AGPAT3: variants seen among roughly 807,000 people sequenced by gnomAD.
AGPAT3 encodes the protein 1-acyl-sn-glycerol-3-phosphate acyltransferase gamma.
Under a neutral mutation model 47.3 loss-of-function variants are expected in AGPAT3, and 5 were observed. That is an observed-to-expected ratio of 0.11 (90% CI 0.06 to 0.22). The LOEUF (loss-of-function observed/expected upper bound fraction) is 0.22. Ranked by LOEUF, AGPAT3 falls within the 10% of genes least tolerant of loss-of-function variation. AGPAT3 has a pLI of 1.00. For missense variants in AGPAT3, 315 were observed against 493.0 expected, an observed-to-expected ratio of 0.64 and a Z score of 3.42; for synonymous variants, 212 against 208.3, an observed-to-expected ratio of 1.02 and a Z score of -0.15.
intron 2 of AGPAT3, among the ~76,000 whole-genome samples, chr21:43,909,176 C>A (rs557564119): frequency 1.3e-5 from 2 of 152,360 alleles, no homozygotes; most frequent in African/African-American, 4.8e-5. Flanking sequence ...CCCATTGGGC[C>A]GATCCTCTGA....
intron 2 of AGPAT3, among the ~76,000 whole-genome samples, chr21:43,956,976 C>A (rs900315519): frequency 6.6e-6 from 1 of 152,106 alleles, no homozygotes; most frequent in Non-Finnish European, 1.5e-5. Flanking sequence ...ACCCCTCCAC[C>A]TTTCGAGGGG....
In AGPAT3 at chr21:43,955,068, G is replaced by A. The variant is rs2088377778; in HGVS notation, c.-48-4566G>A. The A allele has an allele frequency of 8.9e-6, 11 of 1,242,898 alleles. 1 individual carries two copies. The South Asian group carries it at 1.4e-4, about 16-fold the overall frequency. 77.0% of individuals were successfully genotyped at this position (1,242,898 alleles called of 1,614,324 possible). On this transcript the variant is annotated intron_variant, in intron 2 of 9. Transcript: ENST00000291572. The surrounding 1 kb of genome is among the most constrained non-coding windows in gnomAD (Gnocchi z 4.1). ...CTCTATCTGTGGCCCCCAAAGGCTG[G>A]GTGCCAGCTGCCTGTCGGCAGGGAG...
At chr21:43,901,320 T>TAAAAAAAAAAAAA (rs34649071) in intron 1 of AGPAT3, among the ~76,000 whole-genome samples, 1 of 129,042 alleles carries the variant, frequency 7.7e-6, no homozygotes. Flanking sequence ...GAAACTCTGT[T>TAAAAAAAAAAAAA]AAAAAAAAAA....
At chr21:43,975,207 T>G (rs535764850) in intron 7 of AGPAT3, among the ~76,000 whole-genome samples, 38 of 149,666 alleles carry the variant, frequency 2.5e-4, no homozygotes, top group Non-Finnish European at 4.2e-4. Context: ...TGTGGTGTGT[T>G]CTGGTGTGTG....
At chr21:43,938,117 GACACACACAC>G (rs60019728) in intron 2 of AGPAT3, among the ~76,000 whole-genome samples, 36 of 147,480 alleles carry the variant, frequency 2.4e-4, no homozygotes, top group African/African-American at 7.0e-4. Context: ...CACACACACA[GACACACACAC>G]ACACACACAC....
intron 2 of AGPAT3, among the ~76,000 whole-genome samples, chr21:43,915,406 T>A (rs1054128596): frequency 7.2e-5 from 4 of 55,240 alleles, no homozygotes; most frequent in Non-Finnish European, 1.5e-4. Context: ...CTTGATTAGC[T>A]TTTTTTTTTT....
intron 1 of AGPAT3, among the ~76,000 whole-genome samples, chr21:43,888,813 A>G (rs572776619): frequency 6.6e-6 from 1 of 152,254 alleles, no homozygotes; most frequent in Non-Finnish European, 1.5e-5. Flanking sequence ...ACATGGTGAA[A>G]CCCCATCTCT....
In AGPAT3 at chr21:43,873,013, A is replaced by G. The variant is rs543306334; in HGVS notation, c.-112+7668A>G. Among the ~76,000 whole-genome samples the G allele has an allele frequency of 4.7e-4, 72 of 152,332 alleles. 1 individual carries two copies. Among genetic ancestry groups the G allele is most frequent in the South Asian group, 2.1e-3 (10 of 4,824 alleles). ...TCCCCCTGCCGGGACGGCGAAACTT[A>G]AAAGACTGTGGGGACAAGTGCTGGA... is the stretch of plus-strand genomic sequence containing the variant. On this transcript the variant is annotated intron_variant, in intron 1 of 9. Coordinates refer to ENST00000291572, the MANE Select transcript of AGPAT3 (RefSeq NM_020132.5).
intron 1 of AGPAT3, among the ~76,000 whole-genome samples, chr21:43,897,789 C>T (rs888492009): frequency 6.6e-6 from 1 of 152,236 alleles, no homozygotes; most frequent in Admixed American, 6.5e-5. Context: ...CCAAGGCAGG[C>T]GGCTAGGAGG....
chr21:43,978,896 T>C (rs2089726036), intron 8 of AGPAT3, among the ~76,000 whole-genome samples: 1 of 152,186 alleles, frequency 6.6e-6, no homozygotes, highest in African/African-American at 2.4e-5. Flanking sequence ...CACAAATGCA[T>C]GGGGCATTCG....
chr21:43,977,604 G>A (rs760080306), intron 7 of AGPAT3, among the ~76,000 whole-genome samples: 2 of 152,228 alleles, frequency 1.3e-5, no homozygotes, highest in African/African-American at 2.4e-5. Flanking sequence ...GAGGCTGGGC[G>A]CAGTGGCTCA....
In AGPAT3 at chr21:43,878,113, C is replaced by A. The variant is rs75614369; in HGVS notation, c.-112+12768C>A. On this transcript the variant is annotated intron_variant, in intron 1 of 9. Coordinates refer to ENST00000291572, the MANE Select transcript of AGPAT3 (RefSeq NM_020132.5). ...TCCCCGCCACTGCTTGCTCAGCCCC[C>A]ACCCGTGATGACGCCTGCTGATGTC... 5.2e-3 allele frequency among the ~76,000 whole-genome samples: 789 copies of A among 152,266 alleles called. 5 individuals carry two copies. The highest frequency in any genetic ancestry group is 0.018 in the African/African-American group (736 of 41,538).
At chr21:43,923,322 G>A (rs1029368066) in intron 2 of AGPAT3, among the ~76,000 whole-genome samples, 2 of 152,228 alleles carry the variant, frequency 1.3e-5, no homozygotes, top group Admixed American at 6.5e-5. Context: ...CTGCGCTGAT[G>A]TCAGGATCTA....
chr21:43,936,067 C>G (rs1171521467), intron 2 of AGPAT3, among the ~76,000 whole-genome samples: 1 of 152,236 alleles, frequency 6.6e-6, no homozygotes, highest in Non-Finnish European at 1.5e-5. Flanking sequence ...CCCTGGCCCC[C>G]ACACCTGCAG....
chr21:43,918,873 G>A (rs533745239), intron 2 of AGPAT3, among the ~76,000 whole-genome samples: 53 of 152,288 alleles, frequency 3.5e-4, no homozygotes, highest in Middle Eastern at 3.4e-3. Flanking sequence ...TACCCCTGCC[G>A]GCTGACAGCT....
chr21:43,903,479 T>G (rs2086404156), intron 1 of AGPAT3, among the ~76,000 whole-genome samples: 1 of 152,158 alleles, frequency 6.6e-6, no homozygotes, highest in Non-Finnish European at 1.5e-5. Flanking sequence ...AGGCTAATGG[T>G]CTGCTGGCGG....
chr21:43,907,269 A>G (rs1391036797), intron 2 of AGPAT3, among the ~76,000 whole-genome samples: 2 of 151,976 alleles, frequency 1.3e-5, no homozygotes, highest in African/African-American at 2.4e-5. Context: ...GCTCAAGCCC[A>G]TCTGCCGGCC....
chr21:43,911,348 A>G (rs1356319704), intron 2 of AGPAT3, among the ~76,000 whole-genome samples: 2 of 152,234 alleles, frequency 1.3e-5, no homozygotes, highest in African/African-American at 4.8e-5. Context: ...TGCTTTAAAG[A>G]CTTGAACTGT....
intron 1 of AGPAT3, among the ~76,000 whole-genome samples, chr21:43,868,032 C>T (rs112136476): frequency 6.6e-6 from 1 of 152,202 alleles, no homozygotes; most frequent in East Asian, 1.9e-4. Context: ...GTGCATTAAT[C>T]GTTCACCTTC....
Sources: gnomAD v4.1 joint callset for allele counts (sites outside exome capture counted in the v4.1 genomes callset) on GRCh38, gnomAD v4.1.1 for gene constraint, Gnocchi (gnomAD v3.1) non-coding constraint, MANE v1.5 for transcripts, NCBI Gene and HGNC (gene_info 2026-07-23, HGNC 2026-07-21) for gene names.